ILRUN: variants seen among roughly 807,000 people sequenced by gnomAD.
ILRUN encodes inflammation and lipid regulator with UBA-like and NBR1-like domains, also known as protein ILRUN.
In ILRUN, 3 loss-of-function variants were observed where a neutral mutation model predicts 33.8. The ratio of observed to expected loss-of-function variants is 0.09; its 90% CI spans 0.04 to 0.23. The LOEUF (loss-of-function observed/expected upper bound fraction) is 0.23. Among genes scored for constraint, ILRUN ranks in the 10% least tolerant of loss-of-function variants. The probability of loss-of-function intolerance (pLI) is 1.00; values close to 1 mark genes in which losing one functional copy is unlikely to be tolerated. For missense variants in ILRUN, 210 were observed against 375.1 expected, an observed-to-expected ratio of 0.56 and a Z score of 3.64; for synonymous variants, 124 against 138.9, an observed-to-expected ratio of 0.89 and a Z score of 0.75.
intron 1 of ILRUN, among the ~76,000 whole-genome samples, chr6:34,676,307 G>T (rs1654621286): frequency 6.6e-6 from 1 of 151,948 alleles, no homozygotes; most frequent in South Asian, 2.1e-4. Flanking sequence ...GCTGAGGCAG[G>T]AGGATAATTT....
intron 3 of ILRUN, among the ~76,000 whole-genome samples, chr6:34,618,962 CAG>C (rs1157705481): frequency 2.0e-5 from 3 of 152,172 alleles, no homozygotes; most frequent in Admixed American, 2.0e-4. Flanking sequence ...GGACAGAGGA[CAG>C]AGTCACCAGC....
At chr6:34,639,268 G>A (rs1393895616) in intron 3 of ILRUN, among the ~76,000 whole-genome samples, 1 of 152,152 alleles carries the variant, frequency 6.6e-6, no homozygotes, top group Non-Finnish European at 1.5e-5. Flanking sequence ...AATGTCCCTA[G>A]GGACCCATAT....
chr6:34,610,927 T>C (rs1761734563), intron 3 of ILRUN, among the ~76,000 whole-genome samples: 1 of 151,964 alleles, frequency 6.6e-6, no homozygotes, highest in Non-Finnish European at 1.5e-5. Context: ...AAAGCATCTT[T>C]AGGCTGGGTG....
chr6:34,616,926 C>G, intron 3 of ILRUN: 1 of 589,042 alleles, frequency 1.7e-6, no homozygotes, highest in South Asian at 1.4e-5. Flanking sequence ...ATTGTAGAAC[C>G]ATATATTGCA....
At chr6:34,618,337 T>C (rs1761941406) in intron 3 of ILRUN, among the ~76,000 whole-genome samples, 1 of 152,212 alleles carries the variant, frequency 6.6e-6, no homozygotes, top group Non-Finnish European at 1.5e-5. Context: ...TTCGTACCAA[T>C]AATGCTTCCA....
In ILRUN at chr6:34,606,612, A is replaced by T; in HGVS notation, c.804T>A (p.Ser268=). ...CGTGACTGCTGGGAGACAGATTTACAGAGTTCTGTGACAGTCTATTCTGGT... is the reference window on the plus strand; with the variant it reads ...CGTGACTGCTGGGAGACAGATTTACTGAGTTCTGTGACAGTCTATTCTGGT... ...EQDQNRLSQN[S]VNLSPSSHAN... is the part of the protein sequence containing the mutation. The change falls in exon 4 of 5, where the codon TCT becomes TCA. Residue 268 remains serine (S), a synonymous_variant. Transcript: ENST00000374023. The T allele has an allele frequency of 1.2e-6, 2 of 1,614,192 alleles. No individual in the cohort carries two copies. Among genetic ancestry groups the T allele is most frequent in the Non-Finnish European group, 1.7e-6 (2 of 1,180,032 alleles).
At chr6:34,600,909 T>A (rs994685886) in intron 4 of ILRUN, among the ~76,000 whole-genome samples, 1 of 152,232 alleles carries the variant, frequency 6.6e-6, no homozygotes, top group Non-Finnish European at 1.5e-5. Flanking sequence ...CACAGCATGC[T>A]TAGAAGTCAA....
At chr6:34,651,281 G>A (rs978401974) in intron 2 of ILRUN, among the ~76,000 whole-genome samples, 1 of 151,998 alleles carries the variant, frequency 6.6e-6, no homozygotes, top group Non-Finnish European at 1.5e-5. Flanking sequence ...ACCTGTTCAG[G>A]CACAAGAATG....
chr6:34,618,179 A>C (rs1761938043), intron 3 of ILRUN, among the ~76,000 whole-genome samples: 4 of 152,224 alleles, frequency 2.6e-5, no homozygotes, highest in South Asian at 4.1e-4. Context: ...TCAGAATGAA[A>C]AAGGAAAAAG....
chr6:34,628,230 AG>A (rs1301870778), intron 3 of ILRUN, among the ~76,000 whole-genome samples: 1 of 152,068 alleles, frequency 6.6e-6, no homozygotes, highest in Admixed American at 6.5e-5. Flanking sequence ...CATGTTGGCC[AG>A]GCTGGTCTTG....
chr6:34,680,523 G>A (rs1763337194), intron 1 of ILRUN, among the ~76,000 whole-genome samples: 1 of 151,976 alleles, frequency 6.6e-6, no homozygotes, highest in Non-Finnish European at 1.5e-5. Flanking sequence ...GGAGTGCAGT[G>A]GCGCCATCTC....
intron 3 of ILRUN, among the ~76,000 whole-genome samples, chr6:34,633,642 GT>G (rs1762290817): frequency 6.6e-6 from 1 of 151,736 alleles, no homozygotes; most frequent in Non-Finnish European, 1.5e-5. Context: ...CTTGAAGCCA[GT>G]AGTTTGAGAC....
At chr6:34,647,657 T>C (rs1562016598) in intron 2 of ILRUN, among the ~76,000 whole-genome samples, 1 of 152,188 alleles carries the variant, frequency 6.6e-6, no homozygotes, top group African/African-American at 2.4e-5. Context: ...CTCCGCCTTC[T>C]GGGTTTACAC....
chr6:34,592,361 T>C lies in ILRUN; in HGVS notation c.862-1761A>G, dbSNP rs999728159. Among the ~76,000 whole-genome samples the C allele has an allele frequency of 6.6e-6, 1 of 152,200 alleles. No homozygotes were observed. The highest frequency in any genetic ancestry group is 1.5e-5 in the Non-Finnish European group (1 of 68,042). On this transcript the variant is annotated intron_variant, in intron 4 of 4. Transcript: ENST00000374023. The surrounding 1 kb of genome is among the most constrained non-coding windows in gnomAD (Gnocchi z 4.0). ...GCACTGGTGAGGGAAGCAACTGGCA[T>C]TTGCCAAAATGCCACATGGCTGTCA...
At chr6:34,642,138 T>C (rs1162629734) in intron 3 of ILRUN, among the ~76,000 whole-genome samples, 6 of 152,184 alleles carry the variant, frequency 3.9e-5, no homozygotes, top group Admixed American at 3.9e-4. Context: ...ATGGGGATAA[T>C]GCCCCAAAGA....
intron 4 of ILRUN, among the ~76,000 whole-genome samples, chr6:34,604,354 T>A (rs750528158): frequency 1.6e-4 from 25 of 152,098 alleles, no homozygotes; most frequent in Non-Finnish European, 3.2e-4. Flanking sequence ...TTAAAAAGCA[T>A]CAGTCCCTAA....
rs1761275021 is a variant in ILRUN, at chr6:34,590,570, A to G, written c.892T>C (p.Ser298Pro). The change falls in exon 5 of 5, where the codon TCT becomes CCT. Residue 298 changes from serine to proline, a missense_variant. Coordinates refer to ENST00000374023, the MANE Select transcript of ILRUN (RefSeq NM_024294.4). Reference protein sequence around the residue: ...GLHGPYPFGQS With the variant: ...GLHGPYPFGQP Reference sequence around the variant, plus strand: ...TTCTTCTTGCTGACACCCGTTTAAGACTGGCCGAAGGGGTAAGGCCCATGG... The same window carrying G: ...TTCTTCTTGCTGACACCCGTTTAAGGCTGGCCGAAGGGGTAAGGCCCATGG... The G allele has an allele frequency of 2.5e-6, 4 of 1,614,030 alleles. No individual in the cohort carries two copies. In the South Asian group the frequency reaches 3.3e-5, roughly 13 times the overall value.
chr6:34,611,954 GTCTTTGGCACCTGTGA>G (rs1390255177), intron 3 of ILRUN, among the ~76,000 whole-genome samples: 38 of 152,270 alleles, frequency 2.5e-4, no homozygotes, highest in Non-Finnish European at 4.9e-4. Flanking sequence ...TTACCCACAG[GTCTTTGGCACCTGTGA>G]TCTTTGGCAC....
intron 4 of ILRUN, among the ~76,000 whole-genome samples, chr6:34,591,486 A>C (rs1761291990): frequency 6.6e-6 from 1 of 151,228 alleles, no homozygotes; most frequent in Admixed American, 6.6e-5. Context: ...CAACAGAGCG[A>C]AATCCTGTCT....
Sources: allele counts gnomAD v4.1 joint callset (sites outside exome capture counted in the v4.1 genomes callset), GRCh38; gene constraint gnomAD v4.1.1; non-coding constraint Gnocchi (gnomAD v3.1); transcripts MANE v1.5; gene names NCBI Gene and HGNC (gene_info 2026-07-23, HGNC 2026-07-21).